LIN28B: variants seen among roughly 807,000 people sequenced by gnomAD.
LIN28B encodes lin-28 RNA binding posttranscriptional regulator B, also known as protein lin-28 homolog B.
A neutral mutation model predicts 21.9 loss-of-function variants in LIN28B; 5 were observed. The ratio of observed to expected loss-of-function variants is 0.23; its 90% confidence interval spans 0.12 to 0.48. LIN28B has a LOEUF of 0.48. LIN28B is among the 20% of genes least tolerant of loss of function. The pLI is 0.98. For missense variants in LIN28B, 245 were observed against 310.5 expected (o/e 0.79, Z 1.58); for synonymous variants, 109 against 111.3 (o/e 0.98, Z 0.13).
intron 2 of LIN28B, among the ~76,000 whole-genome samples, chr6:104,978,330 G>A (rs1770147200): frequency 6.6e-6 from 1 of 152,180 alleles, no homozygotes; most frequent in South Asian, 2.1e-4. Context: ...ATATTTTGAA[G>A]TGGCAGTCTC....
At chr6:105,069,467 C>T (rs998942462) in intron 3 of LIN28B, among the ~76,000 whole-genome samples, 2 of 151,808 alleles carry the variant, frequency 1.3e-5, no homozygotes, top group Non-Finnish European at 2.9e-5. Context: ...GCTCACGCCT[C>T]TAATCCCAGC....
chr6:104,959,224 T>G (rs1479523493), intron 2 of LIN28B, among the ~76,000 whole-genome samples: 1 of 152,156 alleles, frequency 6.6e-6, no homozygotes, highest in Non-Finnish European at 1.5e-5. Flanking sequence ...AAGGTAAATA[T>G]AAATTTTCTG....
chr6:105,046,339 C>A (rs1771761314), intron 3 of LIN28B, among the ~76,000 whole-genome samples: 1 of 152,340 alleles, frequency 6.6e-6, no homozygotes, highest in East Asian at 1.9e-4. Context: ...CTACAAAGGA[C>A]ATGAACTCAT....
At chr6:104,981,535 A>G (rs1350754378) in intron 2 of LIN28B, among the ~76,000 whole-genome samples, 2 of 152,206 alleles carry the variant, frequency 1.3e-5, no homozygotes, top group South Asian at 2.1e-4. Flanking sequence ...GCTTTCAGTT[A>G]TCTCATTTGT....
At chr6:104,997,802 G>A (rs150772888) in intron 2 of LIN28B, among the ~76,000 whole-genome samples, 17 of 152,258 alleles carry the variant, frequency 1.1e-4, no homozygotes, top group Non-Finnish European at 1.2e-4. Context: ...TGACACTTCC[G>A]GGTTTATATG....
chr6:104,982,541 T>C (rs1230860824), intron 2 of LIN28B, among the ~76,000 whole-genome samples: 2 of 152,170 alleles, frequency 1.3e-5, no homozygotes, highest in African/African-American at 4.8e-5. Flanking sequence ...ACACCAGTGC[T>C]TTATCATACT....
intron 2 of LIN28B, among the ~76,000 whole-genome samples, chr6:104,996,006 C>T (rs1272909691): frequency 6.6e-6 from 1 of 151,236 alleles, no homozygotes; most frequent in Non-Finnish European, 1.5e-5. Context: ...ACATACCCCA[C>T]TAGAAACACA....
intron 3 of LIN28B, among the ~76,000 whole-genome samples, chr6:105,029,499 T>G (rs747474126): frequency 1.3e-4 from 20 of 152,010 alleles, no homozygotes; most frequent in Non-Finnish European, 2.9e-4. Flanking sequence ...GAAGGTAGGA[T>G]AAGGCGAGAT....
chr6:105,082,270 A>G lies in LIN28B; in HGVS notation c.*3487A>G, dbSNP rs1244825094. 2 of 152,652 alleles carry G rather than the reference A, an allele frequency of 1.3e-5. No homozygotes were observed. Among genetic ancestry groups the G allele is most frequent in the East Asian group, 3.8e-4 (2 of 5,204 alleles). The allele number at this position is 152,652 out of a possible 1,614,324, so 9.5% of individuals were successfully genotyped here. Reference sequence around the variant, plus strand: ...CAAGAAATGTCATGTTATTAGCATCAGTCCACCTCCAATATTGCCGATACT... The same window carrying G: ...CAAGAAATGTCATGTTATTAGCATCGGTCCACCTCCAATATTGCCGATACT... On this transcript the variant is annotated 3_prime_UTR_variant, in exon 4 of 4. Transcript: ENST00000345080.
intron 3 of LIN28B, among the ~76,000 whole-genome samples, chr6:105,043,501 C>G (rs160599): frequency 0.78 from 117,609 of 151,316 alleles, 46,575 homozygotes; most frequent in Non-Finnish European, 0.86. Context: ...GAAATCTTTT[C>G]CTCCTTTTAT....
chr6:105,002,166 A>AT (rs751548299), intron 2 of LIN28B, among the ~76,000 whole-genome samples: 3,097 of 95,966 alleles, frequency 0.032, 91 homozygotes, highest in African/African-American at 0.084. Flanking sequence ...ATTCTCTGGT[A>AT]TTTTTTTTTT....
intron 2 of LIN28B, among the ~76,000 whole-genome samples, chr6:104,963,748 C>G (rs1769801294): frequency 6.6e-6 from 1 of 152,182 alleles, no homozygotes; most frequent in African/African-American, 2.4e-5. Flanking sequence ...CATAATCACA[C>G]AGAGTCCATA....
chr6:104,938,251 G>C (rs1218906837), intron 2 of LIN28B, among the ~76,000 whole-genome samples: 1 of 151,906 alleles, frequency 6.6e-6, no homozygotes, highest in Non-Finnish European at 1.5e-5. Flanking sequence ...CTCTAAAAAA[G>C]GGGAGGTTGG....
At chr6:104,944,129 A>G (rs902556728) in intron 2 of LIN28B, among the ~76,000 whole-genome samples, 1 of 151,036 alleles carries the variant, frequency 6.6e-6, no homozygotes, top group Non-Finnish European at 1.5e-5. Context: ...TATTTCATAA[A>G]TTTTTTTTTT....
chr6:104,981,258 T>C (rs1770217900), intron 2 of LIN28B, among the ~76,000 whole-genome samples: 1 of 152,208 alleles, frequency 6.6e-6, no homozygotes, highest in Non-Finnish European at 1.5e-5. Flanking sequence ...TCACTCTTTC[T>C]GGTGTTAAAA....
chr6:105,010,164 T>A (rs1446359217), intron 2 of LIN28B, among the ~76,000 whole-genome samples: 2 of 151,606 alleles, frequency 1.3e-5, no homozygotes, highest in Non-Finnish European at 2.9e-5. Flanking sequence ...GAGAGCAGCC[T>A]GGGCAACATG....
intron 3 of LIN28B, among the ~76,000 whole-genome samples, chr6:105,056,309 C>T (rs1454359123): frequency 2.0e-5 from 3 of 151,198 alleles, no homozygotes; most frequent in Admixed American, 6.6e-5. Context: ...GTAGGGAGTC[C>T]GGGTCATTTG....
At chr6:105,003,727 C>G (rs1770761193) in intron 2 of LIN28B, among the ~76,000 whole-genome samples, 2 of 152,064 alleles carry the variant, frequency 1.3e-5, no homozygotes, top group South Asian at 4.2e-4. Context: ...GTTAGCCAGG[C>G]TGGTCTCAAA....
At chr6:104,952,514 T>C (rs1016163714), upstream of LIN28B, among the ~76,000 whole-genome samples, 2 of 152,236 alleles carry the variant, frequency 1.3e-5, no homozygotes, top group Admixed American at 1.3e-4. Flanking sequence ...TTTAAAAAGA[T>C]ACTTTCTACA....
Sources: gnomAD v4.1 joint callset for allele counts (sites outside exome capture counted in the v4.1 genomes callset) on GRCh38, gnomAD v4.1.1 for gene constraint, MANE v1.5 for transcripts, NCBI Gene and HGNC (gene_info 2026-07-23, HGNC 2026-07-21) for gene names.